PCNT: variants seen among roughly 807,000 people sequenced by gnomAD.
PCNT encodes the protein kendrin.
Under a neutral mutation model 380.4 loss-of-function variants are expected in PCNT, and 319 were observed. The ratio of observed to expected loss-of-function variants is 0.84; its 90% CI spans 0.77 to 0.92. The LOEUF (loss-of-function observed/expected upper bound fraction) is 0.92. Among genes scored for constraint, PCNT ranks in the 40% least tolerant of loss-of-function variants. The pLI is 0.00. For synonymous variants in PCNT, 1,845 were observed against 1,735.2 expected (o/e 1.06, Z -1.57); for missense variants, 4,400 against 4,255.3 (o/e 1.03, Z -0.95).
chr21:46,330,443 A>G (rs1356359850), intron 2 of PCNT, among the ~76,000 whole-genome samples: 1 of 152,158 alleles, frequency 6.6e-6, no homozygotes, highest in Non-Finnish European at 1.5e-5. Context: ...TTATACATGT[A>G]TAGGTAAACT....
chr21:46,407,245 T>A (rs1010436879), intron 27 of PCNT, among the ~76,000 whole-genome samples: 2 of 152,128 alleles, frequency 1.3e-5, no homozygotes, highest in Admixed American at 1.3e-4. Context: ...TATTTGGATT[T>A]CTGTTTCATG....
Position 46,411,411 on chromosome 21 carries a change from GCCGGGGGCCCTCGTGGGCAGGCCCT to G in PCNT, c.5339_5363del (p.Ala1780AspfsTer15). The G allele has an allele frequency of 6.2e-7, 1 of 1,613,398 alleles. No individual in the cohort carries two copies. The highest frequency in any genetic ancestry group is 8.5e-7 in the Non-Finnish European group (1 of 1,179,942). On this transcript the variant is annotated frameshift_variant, in exon 28 of 47. Coordinates refer to ENST00000359568, the MANE Select transcript of PCNT (RefSeq NM_006031.6). LOFTEE classifies it high-confidence loss of function. ...GCAGAGCGAGCTGCTCTGCTCCCAGGCCGGGGGCCCTCGTGGGCAGGCCCTACAGGGCGAGCTCGAGGCTGCGCTG... is the reference window on the plus strand; with the variant it reads ...GCAGAGCGAGCTGCTCTGCTCCCAGGACAGGGCGAGCTCGAGGCTGCGCTG...
intron 32 of PCNT, among the ~76,000 whole-genome samples, chr21:46,424,757 C>G (rs968502252): frequency 4.7e-5 from 7 of 149,478 alleles, no homozygotes; most frequent in East Asian, 2.0e-4. Flanking sequence ...TTGCTCCCCC[C>G]GTCTCCGCTC....
intron 18 of PCNT, 68 bp from the exon 19 acceptor site, chr21:46,389,131 C>A: frequency 6.7e-7 from 1 of 1,500,088 alleles, no homozygotes; most frequent in Non-Finnish European, 9.2e-7. Flanking sequence ...TCCTTGTCGT[C>A]TTGGCTGCCA....
intron 30 of PCNT, among the ~76,000 whole-genome samples, chr21:46,417,443 C>T (rs1230677317): frequency 6.6e-6 from 1 of 152,130 alleles, no homozygotes; most frequent in Admixed American, 6.5e-5. Context: ...CCACCCACCT[C>T]AGCCTCCCAA....
At chr21:46,379,592 G>A (rs1212595273) in intron 15 of PCNT, among the ~76,000 whole-genome samples, 1 of 152,064 alleles carries the variant, frequency 6.6e-6, no homozygotes, top group Non-Finnish European at 1.5e-5. Context: ...TGGCTTGAGG[G>A]TGCCCCACAG....
Position 46,326,383 on chromosome 21 carries a change from C to G in PCNT, c.61C>G (p.His21Asp). 1 of 1,614,172 alleles carries G rather than the reference C, an allele frequency of 6.2e-7. No homozygotes were observed. The highest frequency in any genetic ancestry group is 8.5e-7 in the Non-Finnish European group (1 of 1,180,010). The change falls in exon 2 of 47, where the codon CAC (histidine) becomes GAC (aspartate). Residue 21 changes from histidine (H) to aspartate (D), a missense_variant. Transcript: ENST00000359568. Reference protein sequence around the residue: ...KVEAGRTKLAHFRQRKTKGDS... With the variant: ...KVEAGRTKLADFRQRKTKGDS... ...TATCTACATTTTTGCGCAGCTTGCT[C>G]ACTTCCGACAGAGAAAAACAAAAGG...
At chr21:46,403,700 G>A (rs1422202004) in intron 27 of PCNT, among the ~76,000 whole-genome samples, 1 of 144,526 alleles carries the variant, frequency 6.9e-6, no homozygotes, top group African/African-American at 2.6e-5. Context: ...CACGCGGCAC[G>A]TGCTTGGTGA....
intron 45 of PCNT, 122 bp downstream of exon 45, chr21:46,444,070 C>G: frequency 1.8e-6 from 2 of 1,083,770 alleles, no homozygotes; most frequent in Non-Finnish European, 2.6e-6. Flanking sequence ...GCAGGAAACT[C>G]TCCAGCGTGA....
intron 39 of PCNT, 46 bp downstream of exon 39, chr21:46,436,194 C>T (rs374381678): frequency 3.1e-6 from 5 of 1,597,096 alleles, no homozygotes; most frequent in Non-Finnish European, 1.7e-6. Flanking sequence ...TTGCAGCCAC[C>T]CCTCTGTCCC....
intron 35 of PCNT, among the ~76,000 whole-genome samples, chr21:46,429,410 T>TG (rs1000704191): frequency 1.3e-4 from 2 of 15,778 alleles, no homozygotes; most frequent in African/African-American, 3.3e-4. Flanking sequence ...GTGAGGGGCA[T>TG]GGGGGGGCTG....
intron 22 of PCNT, 54 bp downstream of exon 22, chr21:46,397,548 C>A: frequency 7.1e-7 from 1 of 1,416,140 alleles, no homozygotes; most frequent in Non-Finnish European, 9.9e-7. Context: ...GCCGTTACAG[C>A]ATGAACTTCT....
intron 8 of PCNT, 101 bp from the exon 9 acceptor site, chr21:46,351,328 C>A: frequency 1.3e-6 from 1 of 776,360 alleles, no homozygotes; most frequent in Non-Finnish European, 2.4e-6. Context: ...TGAGCTTTTA[C>A]CCTTAGGATC....
chr21:46,415,166 T>C (rs1022188044), intron 29 of PCNT, among the ~76,000 whole-genome samples: 3 of 152,208 alleles, frequency 2.0e-5, no homozygotes, highest in African/African-American at 4.8e-5. Context: ...TGCACCTCAT[T>C]GGCGTTTAGA....
chr21:46,337,801 T>C (rs2083798055), intron 3 of PCNT, among the ~76,000 whole-genome samples: 1 of 152,008 alleles, frequency 6.6e-6, no homozygotes, highest in Non-Finnish European at 1.5e-5. Context: ...AGGCTGATCT[T>C]GAACTCCCAA....
intron 3 of PCNT, among the ~76,000 whole-genome samples, chr21:46,339,582 GA>G (rs1171119681): frequency 6.6e-6 from 1 of 152,176 alleles, no homozygotes; most frequent in Non-Finnish European, 1.5e-5. Flanking sequence ...ATGGGAGAAA[GA>G]TGGAGGCCAG....
chr21:46,362,215 G>A (rs190483924), intron 13 of PCNT, among the ~76,000 whole-genome samples: 1 of 152,192 alleles, frequency 6.6e-6, no homozygotes, highest in African/African-American at 2.4e-5. Flanking sequence ...AGCCTGAGAC[G>A]TGGGCGGGTT....
Position 46,427,550 on chromosome 21 carries a change from C to G in PCNT, c.7321-72C>G, listed in dbSNP as rs1434204951. The stretch of plus-strand genomic sequence containing the variant: ...CAGGCCCCATCTCCAAACGCAGTCA[C>G]ACTGCGAACTTTAGGGCACAAGGAT... On this transcript the variant is annotated intron_variant, in intron 33 of 46. Coordinates refer to ENST00000359568, the MANE Select transcript of PCNT (RefSeq NM_006031.6). 12 of 1,572,328 alleles carry G rather than the reference C, an allele frequency of 7.6e-6. 1 individual carries two copies. In the Admixed American group the frequency reaches 1.8e-4, roughly 24 times the overall value.
At chr21:46,355,019 G>A (rs555701737) in intron 11 of PCNT, among the ~76,000 whole-genome samples, 2 of 152,208 alleles carry the variant, frequency 1.3e-5, no homozygotes, top group African/African-American at 2.4e-5. Context: ...CTGCCTCTGC[G>A]CGTGGGTGTG....
Sources: gnomAD v4.1 joint callset for allele counts (sites outside exome capture counted in the v4.1 genomes callset) on GRCh38, gnomAD v4.1.1 for gene constraint, MANE v1.5 for transcripts, NCBI Gene and HGNC (gene_info 2026-07-23, HGNC 2026-07-21) for gene names.